The following PCDHA1 variants were observed in gnomAD, a reference collection of about 807,000 sequenced individuals.
The protein encoded by PCDHA1 is protocadherin alpha-1.
A neutral mutation model predicts 61.3 loss-of-function variants in PCDHA1; 42 were observed. The observed-to-expected ratio is 0.69, with a 90% CI of 0.54 to 0.89. The LOEUF (loss-of-function observed/expected upper bound fraction) is 0.89, where lower values mean the gene tolerates loss of function less well. Ranked by LOEUF, PCDHA1 falls within the 40% of genes least tolerant of loss-of-function variation. The pLI, the probability that PCDHA1 is intolerant of heterozygous loss-of-function variation, is 0.00. For missense variants in PCDHA1, 1,256 were observed against 1,235.3 expected (o/e 1.02, Z -0.25); for synonymous variants, 610 against 553.8 (o/e 1.10, Z -1.43).
chr5:140,891,345 G>T (rs2063056241), intron 1 of PCDHA1, among the ~76,000 whole-genome samples: 1 of 151,958 alleles, frequency 6.6e-6, no homozygotes, highest in Admixed American at 6.6e-5. Context: ...AGATTTTGGT[G>T]CATCCATCAC....
At chr5:140,826,198 T>C (rs1464039359) in intron 1 of PCDHA1, among the ~76,000 whole-genome samples, 1 of 152,222 alleles carries the variant, frequency 6.6e-6, no homozygotes, top group Non-Finnish European at 1.5e-5. Flanking sequence ...TTAACAATGG[T>C]CACATTTTAA....
At chr5:140,972,170 C>G (rs1001419960) in intron 1 of PCDHA1, among the ~76,000 whole-genome samples, 2 of 152,034 alleles carry the variant, frequency 1.3e-5, no homozygotes, top group African/African-American at 4.8e-5. Flanking sequence ...GAGACAGAGT[C>G]TTGGCCTGTC....
At chr5:140,796,488 T>TTCGG (rs1562160438) in intron 1 of PCDHA1, 1 of 1,612,270 alleles carries the variant, frequency 6.2e-7, no homozygotes, top group Admixed American at 1.7e-5. Flanking sequence ...CGAGCTACGT[T>TTCGG]TCGGTGCACG....
Position 140,850,919 on chromosome 5 carries a change from T to C in PCDHA1, c.2394+62235T>C, listed in dbSNP as rs2150502156. 62 of 1,527,062 alleles carry C rather than the reference T, an allele frequency of 4.1e-5. 7 individuals are homozygous for C. The highest frequency in any genetic ancestry group is 4.8e-5 in the Non-Finnish European group (55 of 1,135,558). The allele number at this position is 1,527,062 out of a possible 1,614,324, so 94.6% of individuals were successfully genotyped here. ...GTTTTTCTAGCATTTTATTTATTTA[T>C]ATAATTTTTTTTCTTGAAAGATATT... On this transcript the variant is annotated intron_variant, in intron 1 of 3. Coordinates refer to ENST00000504120, the MANE Select transcript of PCDHA1 (RefSeq NM_018900.4).
chr5:140,828,734 A>G (rs1554131491), intron 1 of PCDHA1: 1 of 1,614,248 alleles, frequency 6.2e-7, no homozygotes, highest in Non-Finnish European at 8.5e-7. Context: ...CCTGACAGCC[A>G]CAGATGGGGG....
rs1038140347 is a variant in PCDHA1 at position 140,928,220 on chromosome 5, C to T, written c.2395-50729C>T. On this transcript the variant is annotated intron_variant, in intron 1 of 3. Transcript: ENST00000504120. ...GTTGCTGATGTGAATGACAATACAC[C>T]AAACTTTCCTCAACCCCAGCAGGAA... The T allele has an allele frequency of 2.5e-6, 4 of 1,614,048 alleles. No individual in the cohort carries two copies. The Admixed American group carries it at 5.0e-5, about 20-fold the overall frequency.
At chr5:140,988,267 C>T (rs1204961254) in intron 3 of PCDHA1, among the ~76,000 whole-genome samples, 1 of 152,146 alleles carries the variant, frequency 6.6e-6, no homozygotes, top group Non-Finnish European at 1.5e-5. Flanking sequence ...GAGTATCCTT[C>T]GCTGTCACCT....
At chr5:140,801,785 G>A in intron 1 of PCDHA1, 1 of 1,613,314 alleles carries the variant, frequency 6.2e-7, no homozygotes. Flanking sequence ...GACTCGTGTT[G>A]AAAAAAAATT....
In PCDHA1 at chr5:140,876,830, C is replaced by T. The variant is rs199585768; in HGVS notation, c.2394+88146C>T. The T allele has an allele frequency of 3.4e-4, 552 of 1,614,204 alleles. 1 individual carries two copies. Among genetic ancestry groups the T allele is most frequent in the South Asian group, 1.5e-3 (138 of 91,090 alleles). On this transcript the variant is annotated intron_variant, in intron 1 of 3. Coordinates refer to ENST00000504120, the MANE Select transcript of PCDHA1 (RefSeq NM_018900.4). ...GTGGCCGACGTGAACGACAATGCGC[C>T]TGCGTTCGCGCAGCCCGAGTACACA...
intron 1 of PCDHA1, among the ~76,000 whole-genome samples, chr5:140,892,705 T>C (rs1395351366): frequency 6.6e-6 from 1 of 152,210 alleles, no homozygotes; most frequent in Non-Finnish European, 1.5e-5. Flanking sequence ...TCAGGGTAAT[T>C]AGCATATTCA....
chr5:140,961,435 C>T (rs1554225413), intron 1 of PCDHA1, among the ~76,000 whole-genome samples: 1 of 152,174 alleles, frequency 6.6e-6, no homozygotes, highest in Non-Finnish European at 1.5e-5. Flanking sequence ...TACAAAATCA[C>T]CTAACTACAC....
intron 1 of PCDHA1, chr5:140,857,594 G>T (rs1554150300): frequency 6.3e-7 from 1 of 1,596,514 alleles, no homozygotes; most frequent in Admixed American, 1.7e-5. Context: ...GAGCGGCAAG[G>T]TGTACGCGCT....
chr5:140,946,648 C>A (rs1195536248), intron 1 of PCDHA1, among the ~76,000 whole-genome samples: 2 of 99,274 alleles, frequency 2.0e-5, no homozygotes, highest in African/African-American at 1.2e-4. Flanking sequence ...GAATACTCAT[C>A]AGCCATTAGA....
At chr5:140,804,334 CT>C (rs1763380343) in intron 1 of PCDHA1, 1 of 151,888 alleles carries the variant, frequency 6.6e-6, no homozygotes, top group Non-Finnish European at 1.5e-5. Context: ...AATAATACTA[CT>C]GTATTATATG....
At chr5:140,878,002 C>T in intron 1 of PCDHA1, 1 of 1,005,678 alleles carries the variant, frequency 9.9e-7, no homozygotes. Flanking sequence ...ATGTATTTGT[C>T]TAACATTAAT....
intron 1 of PCDHA1, chr5:140,850,387 T>G: frequency 6.3e-7 from 1 of 1,597,588 alleles, no homozygotes. Flanking sequence ...ACGGGCGAGA[T>G]CAGCACAACG....
chr5:140,883,905 G>C (rs781818160), intron 1 of PCDHA1: 1 of 1,613,458 alleles, frequency 6.2e-7, no homozygotes, highest in South Asian at 1.1e-5. Flanking sequence ...CCGCCTCTGG[G>C]CAGCAACGTG....
intron 1 of PCDHA1, chr5:140,803,368 C>G: frequency 6.2e-7 from 1 of 1,614,196 alleles, no homozygotes; most frequent in Non-Finnish European, 8.5e-7. Flanking sequence ...CTGCGGTGCT[C>G]CGCGCCGCCA....
intron 1 of PCDHA1, chr5:140,882,642 A>C (rs2153386129): frequency 6.2e-7 from 1 of 1,614,224 alleles, no homozygotes; most frequent in East Asian, 2.2e-5. Flanking sequence ...AAGGTGAGGG[A>C]CATTAACGAC....
Sources: allele counts gnomAD v4.1 joint callset (sites outside exome capture counted in the v4.1 genomes callset), GRCh38; gene constraint gnomAD v4.1.1; transcripts MANE v1.5; gene names NCBI Gene and HGNC (gene_info 2026-07-23, HGNC 2026-07-21).